Variants in PRKAG2 observed in about 807,000 individuals in gnomAD.
The protein encoded by PRKAG2 is 5'-AMP-activated protein kinase subunit gamma-2.
A neutral mutation model predicts 69.6 loss-of-function variants in PRKAG2; 26 were observed. That is an observed-to-expected ratio of 0.37 (90% CI 0.27 to 0.52). The LOEUF (loss-of-function observed/expected upper bound fraction) is 0.52, where lower values mean the gene tolerates loss of function less well. Among genes scored for constraint, PRKAG2 ranks in the 20% least tolerant of loss-of-function variants. The probability of loss-of-function intolerance (pLI) is 0.90; values close to 1 mark genes in which losing one functional copy is unlikely to be tolerated. For missense variants in PRKAG2, 557 were observed against 740.0 expected, an observed-to-expected ratio of 0.75 and a Z score of 2.87; for synonymous variants, 293 against 285.0, an observed-to-expected ratio of 1.03 and a Z score of -0.28.
chr7:151,750,096 C>CAAAAAAAAA (rs35915808), intron 3 of PRKAG2, among the ~76,000 whole-genome samples: 1 of 63,022 alleles, frequency 1.6e-5, no homozygotes. Context: ...GACTCCATCT[C>CAAAAAAAAA]AAAAAAAAAA....
intron 1 of PRKAG2, among the ~76,000 whole-genome samples, chr7:151,870,377 C>G (rs923474763): frequency 1.3e-5 from 2 of 152,164 alleles, no homozygotes; most frequent in South Asian, 4.1e-4. Flanking sequence ...GTCTGGGCTA[C>G]GAAGCAGAAT....
At chr7:151,669,173 A>G (rs1011500901) in intron 4 of PRKAG2, among the ~76,000 whole-genome samples, 3 of 152,160 alleles carry the variant, frequency 2.0e-5, no homozygotes, top group African/African-American at 7.2e-5. Context: ...GTTTGAGTCT[A>G]TTCCTCTTTG....
chr7:151,792,873 C>T (rs1490080399), intron 1 of PRKAG2, among the ~76,000 whole-genome samples: 3 of 152,176 alleles, frequency 2.0e-5, no homozygotes, highest in Non-Finnish European at 1.5e-5. Flanking sequence ...GGCCAGGGCC[C>T]CTCCCGGCCA....
chr7:151,735,692 AAG>A (rs1799662102), intron 3 of PRKAG2, among the ~76,000 whole-genome samples: 1 of 152,208 alleles, frequency 6.6e-6, no homozygotes. Flanking sequence ...CAGCTTCAGA[AAG>A]AGTATTGTCA....
At chr7:151,658,550 A>C (rs1002835782) in intron 4 of PRKAG2, among the ~76,000 whole-genome samples, 40 of 151,884 alleles carry the variant, frequency 2.6e-4, no homozygotes, top group African/African-American at 9.7e-4. Flanking sequence ...TGTTTTATGC[A>C]TTTGCCAAAT....
chr7:151,632,148 AG>A lies in PRKAG2; in HGVS notation c.685-11del. ...CCGCCGCCAGCGCCGCCTGAGGGGG[AG>A]GAGGAGGACAGCGATCAGCATGAGC... On this transcript the variant is annotated splice_polypyrimidine_tract_variant and intron_variant, in intron 4 of 15. Coordinates refer to ENST00000287878, the MANE Select transcript of PRKAG2 (RefSeq NM_016203.4). This position sits in a 1 kb window ranked among gnomAD's most constrained non-coding sequence, Gnocchi z 4.2. 2 of 1,385,778 alleles carry A rather than the reference AG, an allele frequency of 1.4e-6. No homozygotes were observed. Among genetic ancestry groups the A allele is most frequent in the East Asian group, 3.2e-5 (1 of 30,866 alleles). 85.8% of individuals were successfully genotyped at this position (1,385,778 alleles called of 1,614,324 possible).
At chr7:151,590,023 T>A (rs1171431843) in intron 6 of PRKAG2, among the ~76,000 whole-genome samples, 1 of 152,168 alleles carries the variant, frequency 6.6e-6, no homozygotes. Flanking sequence ...CATCCATGGG[T>A]TTAACACAGT....
intron 5 of PRKAG2, among the ~76,000 whole-genome samples, chr7:151,613,625 G>A (rs1444727075): frequency 1.3e-5 from 2 of 151,602 alleles, no homozygotes; most frequent in African/African-American, 2.4e-5. Context: ...AGCCTCCCAA[G>A]CAGCTGGGAT....
At position 151,583,869 on chromosome 7, in the gene PRKAG2, G is replaced by C. The variant is rs6953900; in HGVS notation, c.865-7417C>G. On this transcript the variant is annotated intron_variant, in intron 6 of 15. Coordinates refer to ENST00000287878, the MANE Select transcript of PRKAG2 (RefSeq NM_016203.4). The surrounding 1 kb of genome is among the most constrained non-coding windows in gnomAD (Gnocchi z 4.1). ...AGGTAAGTTTTTAGAATAGTGAGCAGGCCCGAGCTGCTCTAAGAGACTCTG... is the reference window on the plus strand; with the variant it reads ...AGGTAAGTTTTTAGAATAGTGAGCACGCCCGAGCTGCTCTAAGAGACTCTG... 6.6e-6 allele frequency among the ~76,000 whole-genome samples: 1 copy of C among 152,068 alleles called. No homozygotes were observed. Among genetic ancestry groups the C allele is most frequent in the Non-Finnish European group, 1.5e-5 (1 of 68,018 alleles).
At chr7:151,752,421 A>G (rs893742954) in intron 3 of PRKAG2, among the ~76,000 whole-genome samples, 1 of 152,148 alleles carries the variant, frequency 6.6e-6, no homozygotes, top group Non-Finnish European at 1.5e-5. Flanking sequence ...GGGTGGGAGG[A>G]GGGAGAGGAA....
At chr7:151,817,374 T>C (rs149408997) in intron 1 of PRKAG2, among the ~76,000 whole-genome samples, 203 of 152,294 alleles carry the variant, frequency 1.3e-3, no homozygotes, top group African/African-American at 4.6e-3. Context: ...GGCATTACTC[T>C]TAGCACCCTC....
In PRKAG2 at chr7:151,814,499, G is replaced by A. The variant is rs543821521; in HGVS notation, c.115-27958C>T. The A allele has an allele frequency of 1.5e-5, 19 of 1,230,930 alleles. No individual in the cohort carries two copies. In the East Asian group the frequency reaches 2.2e-4, roughly 14 times the overall value. The allele number at this position is 1,230,930 out of a possible 1,614,324, so 76.3% of individuals were successfully genotyped here. The stretch of plus-strand genomic sequence containing the variant: ...TGTAAGCTGCTGGATGGCAGGATGC[G>A]AGTGACGGGGACGGGCGGCACTCCC... On this transcript the variant is annotated intron_variant, in intron 1 of 15. Coordinates refer to ENST00000287878, the MANE Select transcript of PRKAG2 (RefSeq NM_016203.4). The surrounding 1 kb of genome is among the most constrained non-coding windows in gnomAD (Gnocchi z 4.8).
chr7:151,747,544 G>A (rs1342704229), intron 3 of PRKAG2, among the ~76,000 whole-genome samples: 1 of 148,522 alleles, frequency 6.7e-6, no homozygotes, highest in Non-Finnish European at 1.5e-5. Context: ...GTGATAGAGA[G>A]AGACTCCGTC....
At chr7:151,802,268 C>T (rs760447621) in intron 1 of PRKAG2, among the ~76,000 whole-genome samples, 4 of 152,136 alleles carry the variant, frequency 2.6e-5, no homozygotes, top group Non-Finnish European at 4.4e-5. Context: ...CCTAGAAGCC[C>T]CCTGGATCAT....
intron 1 of PRKAG2, among the ~76,000 whole-genome samples, chr7:151,816,406 A>C (rs1321494557): frequency 1.3e-5 from 2 of 152,106 alleles, no homozygotes; most frequent in East Asian, 3.9e-4. Flanking sequence ...CCAGAGCATT[A>C]ATATTCTGTG....
At chr7:151,841,373 GGTAGGTAATGATGGTAGTGATA>G (rs1307098429) in intron 1 of PRKAG2, among the ~76,000 whole-genome samples, 12 of 151,854 alleles carry the variant, frequency 7.9e-5, no homozygotes, top group Admixed American at 1.3e-4. Context: ...AGGTAGTGAT[GGTAGGTAATGATGGTAGTGATA>G]GTAGGTAGTG....
chr7:151,616,295 T>C (rs944530709), intron 5 of PRKAG2, among the ~76,000 whole-genome samples: 1 of 152,122 alleles, frequency 6.6e-6, no homozygotes, highest in Non-Finnish European at 1.5e-5. Flanking sequence ...CATGCACATA[T>C]GCACACAGGC....
intron 3 of PRKAG2, among the ~76,000 whole-genome samples, chr7:151,730,180 T>C (rs1036961786): frequency 6.6e-6 from 1 of 152,172 alleles, no homozygotes; most frequent in African/African-American, 2.4e-5. Flanking sequence ...TAAAATCCCC[T>C]CATTCATCTA....
At chr7:151,875,846 A>C (rs965439175) in intron 1 of PRKAG2, among the ~76,000 whole-genome samples, 3 of 152,060 alleles carry the variant, frequency 2.0e-5, no homozygotes, top group African/African-American at 4.8e-5. Context: ...GACGGGGCTG[A>C]AGTTCAATGC....
Sources: allele counts gnomAD v4.1 joint callset (sites outside exome capture counted in the v4.1 genomes callset), GRCh38; gene constraint gnomAD v4.1.1; non-coding constraint Gnocchi (gnomAD v3.1); transcripts MANE v1.5; gene names NCBI Gene and HGNC (gene_info 2026-07-23, HGNC 2026-07-21).